C8A: variants seen among roughly 807,000 people sequenced by gnomAD.
The protein encoded by C8A is complement C8 alpha chain.
A neutral mutation model predicts 65.3 loss-of-function variants in C8A; 67 were observed. That is an observed-to-expected ratio of 1.03 (90% CI 0.84 to 1.26). C8A has a LOEUF of 1.26. Among genes scored for constraint, C8A ranks in the 50% most tolerant of loss-of-function variants. The probability of loss-of-function intolerance (pLI) is 0.00; values close to 1 mark genes in which losing one functional copy is unlikely to be tolerated. For synonymous variants in C8A, 290 were observed against 259.4 expected (o/e 1.12, Z -1.13); for missense variants, 781 against 723.9 (o/e 1.08, Z -0.90).
intron 10 of C8A, among the ~76,000 whole-genome samples, chr1:56,913,233 A>G (rs1362332679): frequency 6.6e-6 from 1 of 152,196 alleles, no homozygotes; most frequent in Non-Finnish European, 1.5e-5. Flanking sequence ...TTTTAATGTG[A>G]TTTCATCTGC....
chr1:56,855,856 G>A (rs1414073966), intron 1 of C8A, among the ~76,000 whole-genome samples: 1 of 152,004 alleles, frequency 6.6e-6, no homozygotes, highest in Admixed American at 6.6e-5. Flanking sequence ...CAGTTCAGAA[G>A]GGAGGAAAGC....
At chr1:56,916,088 T>C (rs1644548880) in intron 10 of C8A, among the ~76,000 whole-genome samples, 1 of 152,162 alleles carries the variant, frequency 6.6e-6, no homozygotes, top group Non-Finnish European at 1.5e-5. Context: ...TGCCTCTCCA[T>C]GGTCCAGTGC....
chr1:56,871,003 C>A (rs991432616), intron 2 of C8A, among the ~76,000 whole-genome samples: 3 of 152,128 alleles, frequency 2.0e-5, no homozygotes, highest in African/African-American at 7.2e-5. Flanking sequence ...TGGCACCAAC[C>A]TTCCTGCCAC....
chr1:56,896,016 C>T (rs910294741), intron 7 of C8A, among the ~76,000 whole-genome samples: 2 of 152,056 alleles, frequency 1.3e-5, no homozygotes, highest in Non-Finnish European at 2.9e-5. Flanking sequence ...GTATTTCTTA[C>T]TTTGAGAGTG....
intron 7 of C8A, among the ~76,000 whole-genome samples, chr1:56,891,032 T>C (rs752794937): frequency 1.6e-4 from 25 of 152,178 alleles, no homozygotes; most frequent in Admixed American, 4.6e-4. Context: ...TTGATCAATA[T>C]ATAATCGCGA....
At chr1:56,909,262 T>C (rs1644489205) in intron 9 of C8A, among the ~76,000 whole-genome samples, 1 of 152,198 alleles carries the variant, frequency 6.6e-6, no homozygotes, top group Non-Finnish European at 1.5e-5. Flanking sequence ...TTCTCATCCA[T>C]TTTCTCCCCA....
chr1:56,907,216 T>C (rs1032505955), intron 8 of C8A, among the ~76,000 whole-genome samples: 3 of 152,226 alleles, frequency 2.0e-5, no homozygotes, highest in Non-Finnish European at 4.4e-5. Context: ...TTTATGGCAT[T>C]TCCTGAACAA....
At position 56,867,595 on chromosome 1, in the gene C8A, T is replaced by C; in HGVS notation, c.78-14T>C. ...GCATCTCAAAATTGATGCATGGATC[T>C]TCCCTTTCTTTAGGAGAGTAAGACG... On this transcript the variant is annotated splice_polypyrimidine_tract_variant and intron_variant, in intron 1 of 10. Coordinates refer to ENST00000361249, the MANE Select transcript of C8A (RefSeq NM_000562.3). 1.2e-6 allele frequency: 2 copies of C among 1,602,556 alleles called. No individual in the cohort carries two copies. Among genetic ancestry groups the C allele is most frequent in the Non-Finnish European group, 1.7e-6 (2 of 1,169,684 alleles).
chr1:56,882,334 A>G (rs1021739997), intron 5 of C8A, among the ~76,000 whole-genome samples: 3 of 152,136 alleles, frequency 2.0e-5, no homozygotes, highest in Non-Finnish European at 4.4e-5. Flanking sequence ...CAGATCTTCT[A>G]CTTTCACACA....
chr1:56,916,237 C>T (rs1038470503), intron 10 of C8A, among the ~76,000 whole-genome samples: 2 of 152,234 alleles, frequency 1.3e-5, no homozygotes, highest in African/African-American at 2.4e-5. Context: ...CATTCAGTTG[C>T]AGGCAGTGCA....
intron 7 of C8A, 22 bp downstream of exon 7, chr1:56,886,189 T>G (rs1359438578): frequency 6.2e-7 from 1 of 1,613,344 alleles, no homozygotes. Context: ...AGAAGCTCTA[T>G]GTACACAGTA....
chr1:56,905,413 C>T (rs1422520611), intron 7 of C8A, among the ~76,000 whole-genome samples: 1 of 152,138 alleles, frequency 6.6e-6, no homozygotes, highest in African/African-American at 2.4e-5. Flanking sequence ...CATCAGAAAC[C>T]CTTACCAAAA....
intron 7 of C8A, among the ~76,000 whole-genome samples, chr1:56,901,856 C>T (rs1197593275): frequency 6.6e-6 from 1 of 152,072 alleles, no homozygotes; most frequent in Non-Finnish European, 1.5e-5. Flanking sequence ...TCAGAGTCCT[C>T]CTCGCACACT....
chr1:56,862,483 C>A (rs1644044088), intron 1 of C8A, among the ~76,000 whole-genome samples: 1 of 152,142 alleles, frequency 6.6e-6, no homozygotes, highest in South Asian at 2.1e-4. Context: ...TCTCCAAGAA[C>A]AATATGGTGT....
chr1:56,881,487 T>A lies in C8A; in HGVS notation c.507T>A (p.Asp169Glu). Residue 169 changes from aspartate (D) to glutamate (E), a missense_variant, in exon 5 of 11, where the codon GAT becomes GAA. Coordinates refer to ENST00000361249, the MANE Select transcript of C8A (RefSeq NM_000562.3). ...AGGAAGATGCTCAGAGTGTGTACGA[T>A]GCCAGTTATTATGGGGGCCAGTGTG... Reference protein sequence around the residue: ...LTQEDAQSVYDASYYGGQCET... With the variant: ...LTQEDAQSVYEASYYGGQCET... The A allele has an allele frequency of 6.2e-7, 1 of 1,613,784 alleles. No homozygotes were observed. The highest frequency in any genetic ancestry group is 8.5e-7 in the Non-Finnish European group (1 of 1,179,740).
chr1:56,860,524 G>T (rs1250161759), intron 1 of C8A, among the ~76,000 whole-genome samples: 3 of 152,178 alleles, frequency 2.0e-5, no homozygotes, highest in African/African-American at 4.8e-5. Flanking sequence ...TTTCTTGATT[G>T]CTGTGCAGAG....
intron 7 of C8A, among the ~76,000 whole-genome samples, chr1:56,892,395 A>G (rs1473869091): frequency 6.6e-6 from 1 of 152,132 alleles, no homozygotes; most frequent in Non-Finnish European, 1.5e-5. Context: ...TTACAGATGA[A>G]GGAAACAAGG....
chr1:56,876,552 A>G (rs1644200677), intron 4 of C8A, among the ~76,000 whole-genome samples: 1 of 151,998 alleles, frequency 6.6e-6, no homozygotes, highest in Admixed American at 6.6e-5. Flanking sequence ...CTCTGATCTA[A>G]GCCGTTGCCT....
chr1:56,912,899 G>A (rs1472199075), intron 10 of C8A, among the ~76,000 whole-genome samples: 1 of 152,142 alleles, frequency 6.6e-6, no homozygotes, highest in Non-Finnish European at 1.5e-5. Context: ...TAGTTTCCTA[G>A]GGCTACCATA....
Sources: allele counts gnomAD v4.1 joint callset (sites outside exome capture counted in the v4.1 genomes callset), GRCh38; gene constraint gnomAD v4.1.1; transcripts MANE v1.5; gene names NCBI Gene and HGNC (gene_info 2026-07-23, HGNC 2026-07-21).